The following EIF3A variants were observed in gnomAD, a reference collection of about 807,000 sequenced individuals.
EIF3A encodes the protein EIF3, p180 subunit.
Under a neutral mutation model 186.6 loss-of-function variants are expected in EIF3A, and 21 were observed. That is an observed-to-expected ratio of 0.11 (90% CI 0.08 to 0.16). The LOEUF (loss-of-function observed/expected upper bound fraction) is 0.16. EIF3A is among the 10% of genes least tolerant of loss of function. The pLI, the probability that EIF3A is intolerant of heterozygous loss-of-function variation, is 1.00. For synonymous variants in EIF3A, 563 were observed against 584.3 expected (o/e 0.96, Z 0.52); for missense variants, 1,306 against 1,796.3 (o/e 0.73, Z 4.93).
Position 119,034,922 on chromosome 10 carries a change from A to G in EIF3A, c.*1117T>C, listed in dbSNP as rs1848107631. ...CTTTGTTATATTTAGGTTCATTTTC[A>G]TTGATACTAAACACAGACATTTAAT... is the stretch of plus-strand genomic sequence containing the variant. On this transcript the variant is annotated 3_prime_UTR_variant, in exon 22 of 22. Coordinates refer to ENST00000369144, the MANE Select transcript of EIF3A (RefSeq NM_003750.4). 2 of 152,560 alleles carry G rather than the reference A, an allele frequency of 1.3e-5. No individual in the cohort carries two copies. The highest frequency in any genetic ancestry group is 4.8e-5 in the African/African-American group (2 of 41,462). 9.5% of individuals were successfully genotyped at this position (152,560 alleles called of 1,614,324 possible). A position where few individuals can be genotyped will look rare whatever the true frequency, so the allele number is the denominator to read the frequency against.
chr10:119,037,286 C>T lies in EIF3A; in HGVS notation c.3752G>A (p.Gly1251Glu). ...RPRDEGGWRR[G>E]PAEESSSWRD... ...CCAGCTTGAAGATTCCTCAGCTGGT[C>T]CTCTTCTCCAGCCACCTTCATCCCT... Residue 1251 changes from glycine (G) to glutamate (E), a missense_variant, in exon 21 of 22, where the codon GGA becomes GAA. Gly to Glu is a moderately conservative substitution (Grantham distance 98). Coordinates refer to ENST00000369144, the MANE Select transcript of EIF3A (RefSeq NM_003750.4). The T allele has an allele frequency of 6.2e-7, 1 of 1,614,090 alleles. No homozygotes were observed. Among genetic ancestry groups the T allele is most frequent in the Non-Finnish European group, 8.5e-7 (1 of 1,180,008 alleles).
At chr10:119,050,487 T>C (rs769892213) in intron 16 of EIF3A, 34 bp downstream of exon 16, 5 of 1,599,128 alleles carry the variant, frequency 3.1e-6, no homozygotes, top group Admixed American at 1.7e-5. Flanking sequence ...CAACCTTGCA[T>C]TAGCACCCCT....
chr10:119,060,892 GA>G (rs776836934), intron 8 of EIF3A, 48 bp from the exon 9 acceptor site: 1 of 1,282,218 alleles, frequency 7.8e-7, no homozygotes, highest in East Asian at 2.4e-5. Flanking sequence ...CTACATAAGA[GA>G]TACTAAAACA....
chr10:119,072,438 GTTTTGTTTT>G (rs1844091898), intron 4 of EIF3A, among the ~76,000 whole-genome samples: 6 of 5,760 alleles, frequency 1.0e-3, no homozygotes, highest in Non-Finnish European at 4.3e-3. Context: ...TTTTGGTTTT[GTTTTGTTTT>G]GTTTTGTTTT....
rs752202977 is a variant in EIF3A at position 119,049,793 on chromosome 10, A to G, written c.2658+8T>C. ...AAACAAAATAAAATCAATAAACCCT[A>G]TACTCACCTTTCTAGAAAGGGAACT... On this transcript the variant is annotated splice_region_variant and intron_variant, in intron 17 of 21. Coordinates refer to ENST00000369144, the MANE Select transcript of EIF3A (RefSeq NM_003750.4). The G allele has an allele frequency of 1.6e-5, 26 of 1,611,342 alleles. No homozygotes were observed. In the South Asian group the frequency reaches 2.7e-4, roughly 17 times the overall value.
chr10:119,064,690 C>A (rs1843943550), intron 7 of EIF3A, among the ~76,000 whole-genome samples: 1 of 152,060 alleles, frequency 6.6e-6, no homozygotes, highest in African/African-American at 2.4e-5. Flanking sequence ...TTATAAATTA[C>A]CCAGTGTCAG....
intron 1 of EIF3A, 21 bp downstream of exon 1, chr10:119,080,607 G>C: frequency 6.4e-7 from 1 of 1,572,476 alleles, no homozygotes; most frequent in Non-Finnish European, 8.6e-7. Flanking sequence ...CCAGCCCGGC[G>C]CGCCCCGATC....
chr10:119,044,305 G>A (rs1036115357), intron 17 of EIF3A, among the ~76,000 whole-genome samples, 163 bp from the exon 18 acceptor site: 7 of 152,042 alleles, frequency 4.6e-5, no homozygotes, highest in South Asian at 4.1e-4. Flanking sequence ...TCAGACTGAC[G>A]CTACAGGGAA....
intron 17 of EIF3A, among the ~76,000 whole-genome samples, chr10:119,046,435 G>A (rs1334907651): frequency 6.6e-6 from 1 of 152,178 alleles, no homozygotes; most frequent in Admixed American, 6.5e-5. Flanking sequence ...ACATGATGCA[G>A]TGTAAACATA....
rs753346050 is a variant in EIF3A at position 119,037,093 on chromosome 10, A to G, written c.3919+26T>C. On this transcript the variant is annotated intron_variant, in intron 21 of 21. Transcript: ENST00000369144. ...CCCCCAGAAACGACAGTTCTCCAAT[A>G]CTTCAGTTGTATGTAACCTCTATAC... is the stretch of plus-strand genomic sequence containing the variant. 1.3e-5 allele frequency: 9 copies of G among 675,022 alleles called. No individual in the cohort carries two copies. In the Admixed American group the frequency reaches 1.8e-4, roughly 14 times the overall value. 41.8% of individuals were successfully genotyped at this position (675,022 alleles called of 1,614,324 possible). A position where few individuals can be genotyped will look rare whatever the true frequency, so the allele number is the denominator to read the frequency against.
chr10:119,074,194 A>G (rs537270572), intron 1 of EIF3A, among the ~76,000 whole-genome samples: 2 of 152,286 alleles, frequency 1.3e-5, no homozygotes, highest in East Asian at 3.9e-4. Context: ...GGCCGGGCGC[A>G]GTGGCTCATG....
In EIF3A at chr10:119,060,860, A is replaced by C. The variant is rs192767411; in HGVS notation, c.1228-16T>G. On this transcript the variant is annotated splice_polypyrimidine_tract_variant and intron_variant, in intron 8 of 21. Transcript: ENST00000369144. ...AATTTAGAACCTATAAAATCCATTAAATTGAAAGAGAATCACACTTTCTAC... is the reference window on the plus strand; with the variant it reads ...AATTTAGAACCTATAAAATCCATTACATTGAAAGAGAATCACACTTTCTAC... 2.7e-5 allele frequency: 42 copies of C among 1,539,922 alleles called. No individual in the cohort carries two copies. In the African/African-American group the frequency reaches 5.2e-4, roughly 19 times the overall value.
At chr10:119,048,372 G>C (rs928205887) in intron 17 of EIF3A, among the ~76,000 whole-genome samples, 1 of 152,152 alleles carries the variant, frequency 6.6e-6, no homozygotes, top group Non-Finnish European at 1.5e-5. Flanking sequence ...TTGGTTCAAA[G>C]CTGTGACAAA....
rs1312539891 is a variant in EIF3A, at chr10:119,042,140, C to T, written c.3380G>A (p.Arg1127Lys). The change falls in exon 19 of 22, where the codon AGA becomes AAA. Residue 1127 changes from arginine to lysine, a missense_variant. By Grantham distance (26) the Arg-to-Lys change is conservative. This residue lies in a region of EIF3A where 331 missense variants were observed against 365.8 expected (regional missense o/e 0.90). Coordinates refer to ENST00000369144, the MANE Select transcript of EIF3A (RefSeq NM_003750.4). The surrounding 1 kb of genome is among the most constrained non-coding windows in gnomAD (Gnocchi z 7.8). ...ATCCTCTGCACCACGCCTGGGAATTCTGTCATCATCGGCGTTCCTCCAAGG... is the reference window on the plus strand; with the variant it reads ...ATCCTCTGCACCACGCCTGGGAATTTTGTCATCATCGGCGTTCCTCCAAGG... ...RGPWRNADDD[R>K]IPRRGAEDDR... The T allele has an allele frequency of 4.3e-6, 7 of 1,614,084 alleles. No homozygotes were observed. The highest frequency in any genetic ancestry group is 3.4e-6 in the Non-Finnish European group (4 of 1,180,042).
At chr10:119,053,597 TGCCTGTGGTCGCA>T (rs1050310518) in intron 14 of EIF3A, among the ~76,000 whole-genome samples, 1 of 146,486 alleles carries the variant, frequency 6.8e-6, no homozygotes, top group African/African-American at 2.5e-5. Context: ...TGGTGGTGCA[TGCCTGTGGTCGCA>T]GCTACTCAGG....
chr10:119,059,544 G>A (rs2119819466), intron 10 of EIF3A, 58 bp downstream of exon 10: 1 of 1,410,052 alleles, frequency 7.1e-7, no homozygotes, highest in Non-Finnish European at 1.0e-6. Flanking sequence ...GAAACAGAAG[G>A]TATGTGTCTT....
intron 11 of EIF3A, 140 bp downstream of exon 11, chr10:119,059,072 C>A: frequency 1.4e-6 from 1 of 701,248 alleles, no homozygotes; most frequent in Non-Finnish European, 2.4e-6. Context: ...AATAACAAAA[C>A]TACCAAGTAC....
At position 119,073,777 on chromosome 10, in the gene EIF3A, C is replaced by A. The variant is rs146995226; in HGVS notation, c.210G>T (p.Gly70=). 2 of 1,612,706 alleles carry A rather than the reference C, an allele frequency of 1.2e-6. No individual in the cohort carries two copies. Among genetic ancestry groups the A allele is most frequent in the Non-Finnish European group, 1.7e-6 (2 of 1,179,430 alleles). The change falls in exon 2 of 22, where the codon GGG becomes GGT. Residue 70 remains glycine, a synonymous_variant. Transcript: ENST00000369144. ...DLRKSHLAKE[G]LYQYKNICQQ... ...GACAAATGTTCTTATACTGGTATAA[C>A]CCCTCCTTTGCCAAGTGGCTCTTGC...
intron 16 of EIF3A, 65 bp downstream of exon 16, chr10:119,050,456 C>G (rs1848341584): frequency 1.3e-6 from 2 of 1,496,276 alleles, no homozygotes; most frequent in African/African-American, 1.4e-5. Flanking sequence ...CATAAGATCA[C>G]TAAAAACTAG....
Sources: gnomAD v4.1 joint callset for allele counts (sites outside exome capture counted in the v4.1 genomes callset) on GRCh38, gnomAD v4.1.1 for gene constraint, gnomAD v4.1.1 regional missense constraint, Gnocchi (gnomAD v3.1) non-coding constraint, MANE v1.5 for transcripts, NCBI Gene and HGNC (gene_info 2026-07-23, HGNC 2026-07-21) for gene names.